SNTG1: variants seen among roughly 807,000 people sequenced by gnomAD.
SNTG1 encodes gamma-1-syntrophin.
Under a neutral mutation model 74.7 loss-of-function variants are expected in SNTG1, and 39 were observed. The ratio of observed to expected loss-of-function variants is 0.52; its 90% confidence interval spans 0.40 to 0.68. The LOEUF (loss-of-function observed/expected upper bound fraction) is 0.68, where lower values mean the gene tolerates loss of function less well. Among genes scored for constraint, SNTG1 ranks in the 30% least tolerant of loss-of-function variants. SNTG1 has a pLI of 0.00. For missense variants in SNTG1, 685 were observed against 609.5 expected, an observed-to-expected ratio of 1.12 and a Z score of -1.30; for synonymous variants, 254 against 217.1, an observed-to-expected ratio of 1.17 and a Z score of -1.49.
At chr8:50,026,558 G>T (rs565203428) in intron 1 of SNTG1, among the ~76,000 whole-genome samples, 1 of 152,230 alleles carries the variant, frequency 6.6e-6, no homozygotes, top group East Asian at 1.9e-4. Flanking sequence ...AATGTTGCAC[G>T]AGAGACATTT....
rs6996646 is a variant in SNTG1 at position 50,086,105 on chromosome 8, G to T, written c.-102-86456G>T. On this transcript the variant is annotated intron_variant, in intron 1 of 18. Coordinates refer to ENST00000642720, the MANE Select transcript of SNTG1 (RefSeq NM_018967.5). The stretch of plus-strand genomic sequence containing the variant: ...ATACAAGCTTTCATGATTTTCTTGA[G>T]GGTTAAAACAAATGTGGAACACTGT... Among the ~76,000 whole-genome samples the T allele has an allele frequency of 1.5e-4, 23 of 152,202 alleles. No homozygotes were observed. The South Asian group carries it at 2.5e-3, about 16-fold the overall frequency.
At chr8:50,672,006 G>C (rs2095285789) in intron 15 of SNTG1, among the ~76,000 whole-genome samples, 1 of 132,820 alleles carries the variant, frequency 7.5e-6, no homozygotes, top group Admixed American at 9.0e-5. Flanking sequence ...AGAACACATG[G>C]ACACAGGAAG....
At chr8:50,058,129 TA>T (rs1416414778) in intron 1 of SNTG1, among the ~76,000 whole-genome samples, 3 of 152,092 alleles carry the variant, frequency 2.0e-5, no homozygotes, top group African/African-American at 7.2e-5. Flanking sequence ...AGCCACTTTT[TA>T]AAATTTGCAC....
intron 2 of SNTG1, among the ~76,000 whole-genome samples, chr8:50,322,284 G>A (rs959146197): frequency 2.6e-5 from 4 of 152,006 alleles, no homozygotes; most frequent in South Asian, 2.1e-4. Flanking sequence ...TAGGAAAAAA[G>A]GTGTTTTTTT....
At chr8:50,056,829 G>T (rs1820065003) in intron 1 of SNTG1, among the ~76,000 whole-genome samples, 1 of 152,192 alleles carries the variant, frequency 6.6e-6, no homozygotes, top group South Asian at 2.1e-4. Flanking sequence ...TGCTGGAACA[G>T]CAGGACACTG....
chr8:50,270,237 T>C (rs1231753339), intron 2 of SNTG1, among the ~76,000 whole-genome samples: 1 of 152,130 alleles, frequency 6.6e-6, no homozygotes, highest in Non-Finnish European at 1.5e-5. Context: ...TTTATTTTTG[T>C]CCTATAGAGT....
intron 1 of SNTG1, among the ~76,000 whole-genome samples, chr8:50,016,191 A>G (rs1816298305): frequency 6.6e-6 from 1 of 152,112 alleles, no homozygotes; most frequent in South Asian, 2.1e-4. Flanking sequence ...GCTTCTTCTC[A>G]ATGCAACCAC....
chr8:49,999,597 T>G (rs1478864935), intron 1 of SNTG1, among the ~76,000 whole-genome samples: 2 of 152,178 alleles, frequency 1.3e-5, no homozygotes, highest in Non-Finnish European at 2.9e-5. Context: ...TGGGCCTCTT[T>G]ATACAGTGCT....
chr8:50,574,129 C>T (rs1563596403), intron 12 of SNTG1, among the ~76,000 whole-genome samples: 1 of 152,012 alleles, frequency 6.6e-6, no homozygotes, highest in African/African-American at 2.4e-5. Context: ...TATTTATATT[C>T]TACTGCTCAA....
At chr8:50,103,433 T>C (rs1438463383) in intron 1 of SNTG1, among the ~76,000 whole-genome samples, 1 of 152,218 alleles carries the variant, frequency 6.6e-6, no homozygotes, top group Non-Finnish European at 1.5e-5. Context: ...TTTGCTGAAG[T>C]TGCTTATCAG....
At chr8:50,659,516 A>G (rs961871989) in intron 15 of SNTG1, among the ~76,000 whole-genome samples, 3 of 152,188 alleles carry the variant, frequency 2.0e-5, no homozygotes, top group African/African-American at 7.2e-5. Flanking sequence ...AAAATGCATC[A>G]AAAGTGTCTG....
At chr8:50,650,288 A>G (rs1275847558) in intron 13 of SNTG1, among the ~76,000 whole-genome samples, 2 of 152,042 alleles carry the variant, frequency 1.3e-5, no homozygotes, top group African/African-American at 4.8e-5. Context: ...TGTGAATTAT[A>G]TTGATGCTTT....
intron 1 of SNTG1, among the ~76,000 whole-genome samples, chr8:50,047,929 GT>G (rs1172862398): frequency 1.3e-5 from 2 of 152,070 alleles, no homozygotes; most frequent in Non-Finnish European, 2.9e-5. Context: ...AAAATTTTAA[GT>G]TTTTTCTGCT....
intron 4 of SNTG1, among the ~76,000 whole-genome samples, chr8:50,436,002 C>T (rs369220443): frequency 1.2e-4 from 18 of 152,246 alleles, no homozygotes; most frequent in African/African-American, 4.1e-4. Flanking sequence ...GAAAGCAGCA[C>T]TTCAGTATGC....
intron 15 of SNTG1, among the ~76,000 whole-genome samples, chr8:50,700,040 A>G (rs1393841229): frequency 6.6e-6 from 1 of 152,190 alleles, no homozygotes; most frequent in Non-Finnish European, 1.5e-5. Context: ...TCAAATCAAG[A>G]CAGAATTCTG....
chr8:50,259,519 AGAAAGAAAGAAAGAAAG>A (rs1563810376), intron 2 of SNTG1, among the ~76,000 whole-genome samples: 562 of 14,130 alleles, frequency 0.04, 98 homozygotes, highest in South Asian at 0.18. Context: ...AAAGAAAGAA[AGAAAGAAAGAAAGAAAG>A]AAAGAAAGAA....
rs115502983 is a variant in SNTG1 at position 50,174,543 on chromosome 8, C to T, written c.-28+1908C>T. On this transcript the variant is annotated intron_variant, in intron 2 of 18. Coordinates refer to ENST00000642720, the MANE Select transcript of SNTG1 (RefSeq NM_018967.5). ...CTCAGAAATTTCCAAAGCACATTTT[C>T]CCCAAAGCAAAAATAACCCTTTCTA... Among the ~76,000 whole-genome samples, 1,168 of 152,216 alleles carry T rather than the reference C, an allele frequency of 7.7e-3. 19 individuals carry two copies. The highest frequency in any genetic ancestry group is 0.026 in the African/African-American group (1,076 of 41,526).
At chr8:50,356,380 G>A (rs927646260) in intron 2 of SNTG1, among the ~76,000 whole-genome samples, 13 of 152,082 alleles carry the variant, frequency 8.5e-5, no homozygotes, top group African/African-American at 2.9e-4. Flanking sequence ...GGGATTTAGG[G>A]CCCAAAGGCA....
rs369038092 is a variant in SNTG1 at position 50,250,367 on chromosome 8, C to T, written c.-28+77732C>T. On this transcript the variant is annotated intron_variant, in intron 2 of 18. Transcript: ENST00000642720. ...AACAAGTATTCACATTATACAAGTG[C>T]CACAGAAAAAGAAAATAACCAAGTA... Among the ~76,000 whole-genome samples the T allele has an allele frequency of 2.0e-5, 3 of 151,906 alleles. No homozygotes were observed. In the South Asian group the frequency reaches 6.2e-4, roughly 31 times the overall value.
Sources: gnomAD v4.1 joint callset for allele counts (sites outside exome capture counted in the v4.1 genomes callset) on GRCh38, gnomAD v4.1.1 for gene constraint, MANE v1.5 for transcripts, NCBI Gene and HGNC (gene_info 2026-07-23, HGNC 2026-07-21) for gene names.